The following ANKFN1 variants were observed in gnomAD, a reference collection of about 807,000 sequenced individuals.
ANKFN1 encodes ankyrin repeat and fibronectin type-III domain-containing protein 1.
A neutral mutation model predicts 108.7 loss-of-function variants in ANKFN1; 74 were observed. The observed-to-expected ratio is 0.68, with a 90% CI of 0.56 to 0.83. ANKFN1 has a LOEUF of 0.83. Ranked by LOEUF, ANKFN1 falls within the 40% of genes least tolerant of loss-of-function variation. The pLI is 0.00. For missense variants in ANKFN1, 1,505 were observed against 1,382.3 expected, an observed-to-expected ratio of 1.09 and a Z score of -1.41; for synonymous variants, 547 against 516.2, an observed-to-expected ratio of 1.06 and a Z score of -0.81.
chr17:56,088,135 A>G (rs1010721764), intron 4 of ANKFN1, among the ~76,000 whole-genome samples: 2 of 151,040 alleles, frequency 1.3e-5, no homozygotes, highest in Non-Finnish European at 3.0e-5. Context: ...CACTTTTATA[A>G]TTTTCAACCA....
intron 3 of ANKFN1, among the ~76,000 whole-genome samples, chr17:56,296,427 T>C (rs570656219): frequency 1.3e-5 from 2 of 152,306 alleles, no homozygotes; most frequent in East Asian, 3.9e-4. Flanking sequence ...CTCACACCTA[T>C]AATTCTAGCA....
At chr17:56,060,006 T>A (rs912372080) in intron 4 of ANKFN1, among the ~76,000 whole-genome samples, 1 of 152,228 alleles carries the variant, frequency 6.6e-6, no homozygotes, top group Admixed American at 6.5e-5. Context: ...ATTGAATCTA[T>A]AAATTACTTT....
intron 4 of ANKFN1, among the ~76,000 whole-genome samples, chr17:56,103,767 C>T (rs1182091062): frequency 6.6e-6 from 1 of 152,124 alleles, no homozygotes; most frequent in Non-Finnish European, 1.5e-5. Context: ...TCAAATAAAA[C>T]AAAAAGTGTT....
At chr17:56,299,428 C>T (rs2044609648) in intron 3 of ANKFN1, among the ~76,000 whole-genome samples, 1 of 152,200 alleles carries the variant, frequency 6.6e-6, no homozygotes, top group Non-Finnish European at 1.5e-5. Context: ...CAAAAGCTTC[C>T]TCCTACATAA....
intron 3 of ANKFN1, among the ~76,000 whole-genome samples, chr17:56,261,112 G>A (rs967705365): frequency 1.3e-5 from 2 of 152,176 alleles, no homozygotes; most frequent in Non-Finnish European, 2.9e-5. Context: ...AGCCTGTGCA[G>A]AGTCCCACCC....
chr17:56,281,990 C>A (rs2044094717), intron 3 of ANKFN1, among the ~76,000 whole-genome samples: 1 of 152,066 alleles, frequency 6.6e-6, no homozygotes, highest in African/African-American at 2.4e-5. Flanking sequence ...TAGCTATTTA[C>A]CTAAGATAAA....
intron 4 of ANKFN1, among the ~76,000 whole-genome samples, chr17:56,099,416 CCTT>C (rs1905596291): frequency 6.6e-6 from 1 of 152,202 alleles, no homozygotes; most frequent in Non-Finnish European, 1.5e-5. Context: ...TCCTTCCTCT[CCTT>C]CTCATTCCAC....
intron 3 of ANKFN1, among the ~76,000 whole-genome samples, chr17:56,263,579 C>A (rs374041102): frequency 4.7e-4 from 72 of 152,308 alleles, no homozygotes; most frequent in African/African-American, 1.7e-3. Context: ...TGCTAACTTT[C>A]TGTAAAGGGA....
intron 4 of ANKFN1, among the ~76,000 whole-genome samples, chr17:56,094,394 A>G (rs1289097202): frequency 1.3e-5 from 2 of 150,322 alleles, no homozygotes; most frequent in African/African-American, 4.9e-5. Flanking sequence ...TAGAAAGATA[A>G]TAACACTTAG....
At chr17:56,411,577 A>G (rs1401207109) in intron 8 of ANKFN1, among the ~76,000 whole-genome samples, 1 of 152,242 alleles carries the variant, frequency 6.6e-6, no homozygotes, top group East Asian at 1.9e-4. Flanking sequence ...GATCTTAGAG[A>G]AAAAGCTTTC....
chr17:56,203,379 C>T (rs1171796907), intron 1 of ANKFN1, among the ~76,000 whole-genome samples: 1 of 152,160 alleles, frequency 6.6e-6, no homozygotes, highest in Non-Finnish European at 1.5e-5. Context: ...TCACATCCAT[C>T]GTCAGGTGAT....
intron 4 of ANKFN1, among the ~76,000 whole-genome samples, chr17:56,070,428 C>T (rs1220150589): frequency 1.3e-5 from 2 of 152,188 alleles, no homozygotes; most frequent in Non-Finnish European, 2.9e-5. Context: ...AAATGTTCCA[C>T]TCTTTTTTGT....
intron 16 of ANKFN1, among the ~76,000 whole-genome samples, chr17:56,478,389 C>A (rs2050582100): frequency 6.6e-6 from 1 of 152,154 alleles, no homozygotes; most frequent in South Asian, 2.1e-4. Context: ...TTTCATAGAG[C>A]CAATGATTCC....
intron 18 of ANKFN1, among the ~76,000 whole-genome samples, chr17:56,486,258 C>A (rs992024058): frequency 6.6e-6 from 1 of 152,176 alleles, no homozygotes; most frequent in Middle Eastern, 3.2e-3. Context: ...TAATGAGGAC[C>A]ATGTAAGTTT....
At position 56,282,263 on chromosome 17, in the gene ANKFN1, T is replaced by C. The variant is rs150809408; in HGVS notation, c.54-43958T>C. Among the ~76,000 whole-genome samples, 929 of 151,818 alleles carry C rather than the reference T, an allele frequency of 6.1e-3. 4 individuals are homozygous for C. Among genetic ancestry groups the C allele is most frequent in the African/African-American group, 0.021 (857 of 41,356 alleles). ...GAGTGCATTTATATAATAATAAAAA[T>C]CAGAACAACAGGTGCCGTGTGTGTG... On this transcript the variant is annotated intron_variant, in intron 3 of 20. Coordinates refer to ENST00000682825, the MANE Select transcript of ANKFN1 (RefSeq NM_001370326.1).
intron 3 of ANKFN1, among the ~76,000 whole-genome samples, chr17:56,243,755 A>G (rs1917755430): frequency 6.6e-6 from 1 of 152,066 alleles, no homozygotes; most frequent in Non-Finnish European, 1.5e-5. Context: ...TGATCTGTAG[A>G]ATGATGTATA....
chr17:56,405,717 G>C (rs1190140109), intron 8 of ANKFN1, among the ~76,000 whole-genome samples: 1 of 152,098 alleles, frequency 6.6e-6, no homozygotes, highest in African/African-American at 2.4e-5. Context: ...CTATAAAAAA[G>C]AATGTGGGAT....
At chr17:56,396,431 G>C (rs1240783811) in intron 8 of ANKFN1, among the ~76,000 whole-genome samples, 1 of 152,118 alleles carries the variant, frequency 6.6e-6, no homozygotes, top group Non-Finnish European at 1.5e-5. Context: ...CTGAGCAACA[G>C]AGCTAGACTT....
intron 3 of ANKFN1, among the ~76,000 whole-genome samples, chr17:56,284,715 GTCCAC>G (rs1328096631): frequency 6.6e-6 from 1 of 152,200 alleles, no homozygotes; most frequent in African/African-American, 2.4e-5. Context: ...GGCACAAAAT[GTCCAC>G]TCCACAAAAG....
Sources: gnomAD v4.1 joint callset for allele counts (sites outside exome capture counted in the v4.1 genomes callset) on GRCh38, gnomAD v4.1.1 for gene constraint, MANE v1.5 for transcripts, NCBI Gene and HGNC (gene_info 2026-07-23, HGNC 2026-07-21) for gene names.